The following ADAMTS12 variants were observed in gnomAD, a reference collection of about 807,000 sequenced individuals.
The protein encoded by ADAMTS12 is ADAM metallopeptidase with thrombospondin type 1 motif 12, also known as A disintegrin and metalloproteinase with thrombospondin motifs 12.
ADAMTS12 carries 118 observed loss-of-function variants against 167.8 expected under a neutral mutation model. That is an observed-to-expected ratio of 0.70 (90% CI 0.61 to 0.82). The LOEUF (loss-of-function observed/expected upper bound fraction) is 0.82, where lower values mean the gene tolerates loss of function less well. Ranked by LOEUF, ADAMTS12 falls within the 40% of genes least tolerant of loss-of-function variation. The probability of loss-of-function intolerance (pLI) is 0.00; values close to 1 mark genes in which losing one functional copy is unlikely to be tolerated. For synonymous variants in ADAMTS12, 704 were observed against 716.9 expected (o/e 0.98, Z 0.29); for missense variants, 1,916 against 1,998.8 (o/e 0.96, Z 0.79).
chr5:33,858,097 G>C (rs1463843102), intron 2 of ADAMTS12, among the ~76,000 whole-genome samples: 1 of 152,110 alleles, frequency 6.6e-6, no homozygotes, highest in Non-Finnish European at 1.5e-5. Flanking sequence ...TAAATTTCAA[G>C]AAACTTAAAA....
chr5:33,640,088 G>T (rs73082324), intron 11 of ADAMTS12, among the ~76,000 whole-genome samples: 3,869 of 152,248 alleles, frequency 0.025, 171 homozygotes, highest in African/African-American at 0.089. Context: ...GCTCTGCTGG[G>T]TTCTCACTAG....
chr5:33,853,671 T>A (rs1329587195), intron 2 of ADAMTS12, among the ~76,000 whole-genome samples: 1 of 152,262 alleles, frequency 6.6e-6, no homozygotes, highest in Non-Finnish European at 1.5e-5. Flanking sequence ...TGCTACTGTT[T>A]TAAGCATCAT....
intron 2 of ADAMTS12, among the ~76,000 whole-genome samples, chr5:33,824,185 G>A (rs1009280508): frequency 6.6e-6 from 1 of 152,080 alleles, no homozygotes; most frequent in African/African-American, 2.4e-5. Context: ...CAGATACTGG[G>A]CTAGGGCTTT....
intron 11 of ADAMTS12, among the ~76,000 whole-genome samples, chr5:33,638,851 C>T (rs983927188): frequency 2.6e-5 from 4 of 152,156 alleles, no homozygotes. Context: ...CACCTGAGGG[C>T]ATACCAGCCT....
intron 21 of ADAMTS12, among the ~76,000 whole-genome samples, chr5:33,548,011 G>C (rs1306431480): frequency 6.6e-6 from 1 of 152,176 alleles, no homozygotes; most frequent in Non-Finnish European, 1.5e-5. Flanking sequence ...TGCTGCCCCA[G>C]AAAACTCTAG....
chr5:33,754,330 G>T (rs977353933), intron 2 of ADAMTS12, among the ~76,000 whole-genome samples: 1 of 152,224 alleles, frequency 6.6e-6, no homozygotes, highest in South Asian at 2.1e-4. Flanking sequence ...CTTTAAAGGA[G>T]AATGGAAATG....
At chr5:33,852,261 G>C (rs933261462) in intron 2 of ADAMTS12, among the ~76,000 whole-genome samples, 1 of 152,166 alleles carries the variant, frequency 6.6e-6, no homozygotes, top group African/African-American at 2.4e-5. Flanking sequence ...GAAAGAGAAA[G>C]AATCAGTGGT....
chr5:33,877,412 A>T (rs1450014219), intron 2 of ADAMTS12, among the ~76,000 whole-genome samples: 1 of 152,290 alleles, frequency 6.6e-6, no homozygotes, highest in Non-Finnish European at 1.5e-5. Context: ...TACTAACAAC[A>T]AATTCACTTG....
At chr5:33,793,297 C>CA (rs1746645570) in intron 2 of ADAMTS12, among the ~76,000 whole-genome samples, 2 of 152,244 alleles carry the variant, frequency 1.3e-5, no homozygotes. Flanking sequence ...CACTTAAAAT[C>CA]ATGGGTGAAG....
chr5:33,658,632 G>T (rs1455706299), intron 6 of ADAMTS12, among the ~76,000 whole-genome samples: 1 of 152,156 alleles, frequency 6.6e-6, no homozygotes, highest in African/African-American at 2.4e-5. Flanking sequence ...GCCAACAAAA[G>T]ATTTTATTGA....
intron 5 of ADAMTS12, among the ~76,000 whole-genome samples, chr5:33,670,666 C>T (rs752220886): frequency 3.3e-5 from 5 of 152,088 alleles, no homozygotes; most frequent in Non-Finnish European, 5.9e-5. Context: ...TGCTTGAATC[C>T]GGGAGTCAGA....
At chr5:33,599,640 C>T (rs977230704) in intron 16 of ADAMTS12, among the ~76,000 whole-genome samples, 3 of 152,130 alleles carry the variant, frequency 2.0e-5, no homozygotes, top group Non-Finnish European at 4.4e-5. Flanking sequence ...TTCCCTAAAC[C>T]CTACCCATAC....
chr5:33,553,984 T>C (rs572172306), intron 20 of ADAMTS12, among the ~76,000 whole-genome samples: 1 of 152,332 alleles, frequency 6.6e-6, no homozygotes, highest in South Asian at 2.1e-4. Context: ...CCAAGCTCTG[T>C]ATCTCTACCC....
In ADAMTS12 at chr5:33,848,215, TA is replaced by T. The variant is rs779843895; in HGVS notation, c.489+32903del. On this transcript the variant is annotated intron_variant, in intron 2 of 23. Coordinates refer to ENST00000504830, the MANE Select transcript of ADAMTS12 (RefSeq NM_030955.4). ...CTGGGTAACAGAGTAAGACTCTGTT[TA>T]AAAAAAAAAAAAAGTGAAGCAAGGA... Among the ~76,000 whole-genome samples the T allele has an allele frequency of 7.0e-3, 982 of 140,046 alleles. 10 individuals carry two copies. Among genetic ancestry groups the T allele is most frequent in the African/African-American group, 0.019 (722 of 38,214 alleles). The allele number at this position is 140,046 out of a possible 152,430, so 91.9% of individuals were successfully genotyped here.
chr5:33,827,614 C>T (rs1411877665), intron 2 of ADAMTS12, among the ~76,000 whole-genome samples: 2 of 151,948 alleles, frequency 1.3e-5, no homozygotes, highest in Non-Finnish European at 2.9e-5. Context: ...CTGTCTTACT[C>T]ACCCATTAAA....
intron 9 of ADAMTS12, among the ~76,000 whole-genome samples, chr5:33,647,587 T>C (rs1418602699): frequency 1.3e-5 from 2 of 152,118 alleles, no homozygotes; most frequent in Non-Finnish European, 2.9e-5. Context: ...AAAAATTAGC[T>C]GGCCCTGTTG....
intron 7 of ADAMTS12, among the ~76,000 whole-genome samples, chr5:33,650,495 A>G (rs552179591): frequency 3.9e-5 from 6 of 152,240 alleles, no homozygotes; most frequent in African/African-American, 7.2e-5. Flanking sequence ...TTCCATATGA[A>G]AAAGTTTAGA....
chr5:33,625,641 T>C (rs1421050661), intron 13 of ADAMTS12, among the ~76,000 whole-genome samples: 1 of 152,168 alleles, frequency 6.6e-6, no homozygotes, highest in Non-Finnish European at 1.5e-5. Context: ...GCCCAAGTCT[T>C]TTTTCTTGAA....
chr5:33,704,813 T>C (rs1743130049), intron 3 of ADAMTS12, among the ~76,000 whole-genome samples: 1 of 152,252 alleles, frequency 6.6e-6, no homozygotes, highest in African/African-American at 2.4e-5. Flanking sequence ...TTGTGTCTTT[T>C]GCTGTGCAAA....
Sources: allele counts gnomAD v4.1 joint callset (sites outside exome capture counted in the v4.1 genomes callset), GRCh38; gene constraint gnomAD v4.1.1; transcripts MANE v1.5; gene names NCBI Gene and HGNC (gene_info 2026-07-23, HGNC 2026-07-21).